Variants in FAM149B1 observed in about 807,000 individuals in gnomAD.
FAM149B1 encodes primary cilium assembly protein FAM149B1.
FAM149B1 carries 56 observed loss-of-function variants against 75.3 expected under a neutral mutation model. The observed-to-expected ratio is 0.74, with a 90% CI of 0.60 to 0.93. The LOEUF (loss-of-function observed/expected upper bound fraction) is 0.93, where lower values mean the gene tolerates loss of function less well. Among genes scored for constraint, FAM149B1 ranks in the 40% least tolerant of loss-of-function variants. The pLI is 0.00. For missense variants in FAM149B1, 639 were observed against 708.4 expected (o/e 0.90, Z 1.11); for synonymous variants, 259 against 256.1 (o/e 1.01, Z -0.11).
chr10:73,241,082 C>A lies in FAM149B1; in HGVS notation c.*63C>A. 2.2e-6 allele frequency: 2 copies of A among 917,146 alleles called. No individual in the cohort carries two copies. The highest frequency in any genetic ancestry group is 1.4e-5 in the South Asian group (1 of 71,104). The allele number at this position is 917,146 out of a possible 1,614,324, so 56.8% of individuals were successfully genotyped here. A position where few individuals can be genotyped will look rare whatever the true frequency, so the allele number is the denominator to read the frequency against. On this transcript the variant is annotated 3_prime_UTR_variant, in exon 14 of 14. Transcript: ENST00000242505. The stretch of plus-strand genomic sequence containing the variant: ...GAGATTTCATGAAGCAGTATTCAGT[C>A]ATCAAGTGATGCAGAGCTTGTATAG...
At chr10:73,183,323 T>A (rs1213977785) in intron 3 of FAM149B1, 1 of 152,200 alleles carries the variant, frequency 6.6e-6, no homozygotes, top group African/African-American at 2.4e-5. Flanking sequence ...CTTGTAGAAG[T>A]AAATATAGCT....
In FAM149B1 at chr10:73,182,697, G is replaced by A. The variant is rs552587696; in HGVS notation, c.282+4722G>A. ...AAAGCCAGCATCAGCTGCCAGACAT[G>A]TGAGTAAATGAGCATTAAGATGTTT... On this transcript the variant is annotated intron_variant, in intron 3 of 13. Coordinates refer to ENST00000242505, the MANE Select transcript of FAM149B1 (RefSeq NM_173348.2). 1.5e-4 allele frequency among the ~76,000 whole-genome samples: 23 copies of A among 152,308 alleles called. No individual in the cohort carries two copies. In the South Asian group the frequency reaches 1.7e-3, roughly 11 times the overall value.
intron 2 of FAM149B1, among the ~76,000 whole-genome samples, chr10:73,175,388 G>A (rs948217793): frequency 2.0e-5 from 3 of 151,768 alleles, no homozygotes; most frequent in Admixed American, 6.6e-5. Context: ...ACATAAATAG[G>A]GCCGGGCGCG....
At chr10:73,202,496 G>A (rs2042962029) in intron 5 of FAM149B1, among the ~76,000 whole-genome samples, 1 of 151,464 alleles carries the variant, frequency 6.6e-6, no homozygotes, top group South Asian at 2.1e-4. Context: ...GCAATGGCGT[G>A]ATCTCTGCTC....
intron 3 of FAM149B1, among the ~76,000 whole-genome samples, chr10:73,182,802 A>G (rs1048489483): frequency 4.6e-5 from 7 of 152,334 alleles, no homozygotes; most frequent in African/African-American, 7.2e-5. Context: ...CTGTGCCTCT[A>G]TATAAATTCC....
chr10:73,212,922 G>A (rs779177093), intron 7 of FAM149B1, among the ~76,000 whole-genome samples: 11 of 151,696 alleles, frequency 7.3e-5, no homozygotes, highest in Non-Finnish European at 1.0e-4. Flanking sequence ...AGCTCACTGC[G>A]GCCTTGACCT....
intron 7 of FAM149B1, among the ~76,000 whole-genome samples, chr10:73,225,252 C>T (rs1027633105): frequency 4.6e-5 from 7 of 152,182 alleles, no homozygotes; most frequent in Non-Finnish European, 1.0e-4. Flanking sequence ...GTAGGTCCTT[C>T]AGGAGGTATT....
chr10:73,225,672 G>A (rs897440057), intron 7 of FAM149B1, among the ~76,000 whole-genome samples: 1 of 152,172 alleles, frequency 6.6e-6, no homozygotes. Flanking sequence ...AGACAGTCCA[G>A]TAATGACCTA....
chr10:73,200,810 T>C, intron 5 of FAM149B1: 2 of 497,040 alleles, frequency 4.0e-6, no homozygotes, highest in South Asian at 1.6e-5. Flanking sequence ...TTGTGACTTG[T>C]ACAAGGCACC....
At position 73,243,660 on chromosome 10, in the gene FAM149B1, G is replaced by A. The variant is rs2043977664; in HGVS notation, c.*2641G>A. 2.5e-6 allele frequency: 3 copies of A among 1,205,544 alleles called. No homozygotes were observed. Among genetic ancestry groups the A allele is most frequent in the African/African-American group, 3.1e-5 (2 of 65,074 alleles). 74.7% of individuals were successfully genotyped at this position (1,205,544 alleles called of 1,614,324 possible). On this transcript the variant is annotated 3_prime_UTR_variant, in exon 14 of 14. Transcript: ENST00000242505. ...GGAATGGTGAAAATGTCCTACAATT[G>A]GTGTTAATAATTGTAAAACTTTGTA...
At position 73,243,988 on chromosome 10, in the gene FAM149B1, C is replaced by CT; in HGVS notation, c.*2972dup. On this transcript the variant is annotated 3_prime_UTR_variant, in exon 14 of 14. Coordinates refer to ENST00000242505, the MANE Select transcript of FAM149B1 (RefSeq NM_173348.2). ...CCAGGAAATGCTTAAAATACATACTCTTTCCCAAAAGCAAATCTATAATTC... is the reference window on the plus strand; with the variant it reads ...CCAGGAAATGCTTAAAATACATACTCTTTTCCCAAAAGCAAATCTATAATTC... The CT allele has an allele frequency of 1.4e-6, 2 of 1,397,264 alleles. No homozygotes were observed. Among genetic ancestry groups the CT allele is most frequent in the Non-Finnish European group, 2.0e-6 (2 of 999,616 alleles). 86.6% of individuals were successfully genotyped at this position (1,397,264 alleles called of 1,614,324 possible). A position where few individuals can be genotyped will look rare whatever the true frequency, so the allele number is the denominator to read the frequency against.
intron 3 of FAM149B1, among the ~76,000 whole-genome samples, chr10:73,186,645 A>G (rs1284979413): frequency 6.6e-6 from 1 of 152,258 alleles, no homozygotes; most frequent in Non-Finnish European, 1.5e-5. Flanking sequence ...AGGTCACAGT[A>G]TACAAGAACA....
At chr10:73,198,664 G>A (rs1340308133) in intron 5 of FAM149B1, among the ~76,000 whole-genome samples, 1 of 152,112 alleles carries the variant, frequency 6.6e-6, no homozygotes, top group Non-Finnish European at 1.5e-5. Context: ...AATTAGCTTG[G>A]CGTGGCAGTG....
At chr10:73,194,770 G>A (rs867516126) in intron 5 of FAM149B1, among the ~76,000 whole-genome samples, 2 of 150,886 alleles carry the variant, frequency 1.3e-5, no homozygotes, top group East Asian at 1.9e-4. Flanking sequence ...TGTAACCTCC[G>A]CCTCCCAGGT....
At position 73,169,545 on chromosome 10, in the gene FAM149B1, C is replaced by T. The variant is rs1022357102; in HGVS notation, c.47+1159C>T. Among the ~76,000 whole-genome samples the T allele has an allele frequency of 2.0e-5, 3 of 151,664 alleles. No individual in the cohort carries two copies. In the South Asian group the frequency reaches 6.2e-4, roughly 31 times the overall value. The stretch of plus-strand genomic sequence containing the variant: ...CAATCCTTGCTCACTGCAGCCTCCA[C>T]CTATGGGCTCAGGTGATCCTCACAA... On this transcript the variant is annotated intron_variant, in intron 1 of 13. Transcript: ENST00000242505.
At chr10:73,194,890 G>A (rs2042767111) in intron 5 of FAM149B1, among the ~76,000 whole-genome samples, 1 of 151,816 alleles carries the variant, frequency 6.6e-6, no homozygotes, top group Admixed American at 6.6e-5. Flanking sequence ...CACCATGTTG[G>A]CCAGGCTGGT....
intron 5 of FAM149B1, chr10:73,200,869 C>T: frequency 2.0e-6 from 1 of 510,408 alleles, no homozygotes. Context: ...GGTGGACTGG[C>T]TGACTGAGAA....
At chr10:73,223,585 T>G (rs1054924328) in intron 7 of FAM149B1, among the ~76,000 whole-genome samples, 1 of 152,198 alleles carries the variant, frequency 6.6e-6, no homozygotes, top group Non-Finnish European at 1.5e-5. Context: ...TCAGTGGATA[T>G]GGCCAAAAAA....
intron 7 of FAM149B1, 104 bp from the exon 8 acceptor site, chr10:73,227,956 C>G: frequency 1.7e-6 from 2 of 1,186,054 alleles, no homozygotes; most frequent in Admixed American, 4.1e-5. Flanking sequence ...ATAAGTGAAG[C>G]CTTGTTTGAG....
Sources: allele counts gnomAD v4.1 joint callset (sites outside exome capture counted in the v4.1 genomes callset), GRCh38; gene constraint gnomAD v4.1.1; transcripts MANE v1.5; gene names NCBI Gene and HGNC (gene_info 2026-07-23, HGNC 2026-07-21).